The following COL22A1 variants were observed in gnomAD, a reference collection of about 807,000 sequenced individuals.
The protein encoded by COL22A1 is collagen type XXII alpha 1 chain, also known as collagen alpha-1(XXII) chain.
Under a neutral mutation model 248.9 loss-of-function variants are expected in COL22A1, and 221 were observed. That is an observed-to-expected ratio of 0.89 (90% CI 0.80 to 0.99). The LOEUF (loss-of-function observed/expected upper bound fraction) is 0.99, where lower values mean the gene tolerates loss of function less well. Ranked by LOEUF, COL22A1 falls within the 50% of genes least tolerant of loss-of-function variation. The probability of loss-of-function intolerance (pLI) is 0.00; values close to 1 mark genes in which losing one functional copy is unlikely to be tolerated. For synonymous variants in COL22A1, 891 were observed against 793.4 expected, an observed-to-expected ratio of 1.12 and a Z score of -2.07; for missense variants, 2,240 against 2,179.0, an observed-to-expected ratio of 1.03 and a Z score of -0.56.
At chr8:138,812,040 A>G (rs903958497) in intron 8 of COL22A1, 119 bp from the exon 9 acceptor site, 20 of 1,206,186 alleles carry the variant, frequency 1.7e-5, no homozygotes, top group Non-Finnish European at 2.3e-5. Flanking sequence ...GAAAACGCTG[A>G]GGATGTCTCT....
intron 3 of COL22A1, among the ~76,000 whole-genome samples, chr8:138,861,748 G>A (rs1319812401): frequency 6.6e-6 from 1 of 152,196 alleles, no homozygotes; most frequent in Admixed American, 6.5e-5. Context: ...CCAAAGCAAA[G>A]TGAACTTAAA....
chr8:138,612,574 T>C (rs1818950760), intron 56 of COL22A1, among the ~76,000 whole-genome samples: 1 of 152,076 alleles, frequency 6.6e-6, no homozygotes, highest in African/African-American at 2.4e-5. Flanking sequence ...TTAGTTAAAA[T>C]AAGTTCATAC....
intron 10 of COL22A1, among the ~76,000 whole-genome samples, chr8:138,806,181 GGTGTGTGATGGTGT>G (rs1817704222): frequency 1.9e-5 from 1 of 52,568 alleles, no homozygotes. Flanking sequence ...TGTAAGTAAT[GGTGTGTGATGGTGT>G]GTGTGTGATG....
At chr8:138,701,430 G>C (rs1045252724) in intron 31 of COL22A1, among the ~76,000 whole-genome samples, 1 of 152,102 alleles carries the variant, frequency 6.6e-6, no homozygotes, top group Non-Finnish European at 1.5e-5. Context: ...ATTAAAAAAA[G>C]ATGGAAAAAA....
At chr8:138,688,256 C>T (rs1826524103) in intron 37 of COL22A1, among the ~76,000 whole-genome samples, 1 of 151,716 alleles carries the variant, frequency 6.6e-6, no homozygotes, top group Non-Finnish European at 1.5e-5. Flanking sequence ...TTCAGTGGCT[C>T]ACACCTGTAA....
chr8:138,763,479 C>G (rs1277750664), intron 16 of COL22A1, among the ~76,000 whole-genome samples: 2 of 152,172 alleles, frequency 1.3e-5, no homozygotes, highest in East Asian at 3.8e-4. Flanking sequence ...CATCGTCTTC[C>G]CCTAGCTGTG....
intron 3 of COL22A1, among the ~76,000 whole-genome samples, chr8:138,869,988 G>A (rs1180135328): frequency 2.6e-5 from 4 of 152,168 alleles, no homozygotes; most frequent in Non-Finnish European, 5.9e-5. Context: ...TATGTGTGTG[G>A]GGTGTTATGT....
chr8:138,751,497 T>C lies in COL22A1; in HGVS notation c.2046A>G (p.Pro682=). The C allele has an allele frequency of 6.2e-7, 1 of 1,612,262 alleles. No individual in the cohort carries two copies. Among genetic ancestry groups the C allele is most frequent in the Non-Finnish European group, 8.5e-7 (1 of 1,178,914 alleles). Residue 682 remains proline, a synonymous_variant, in exon 22 of 65, where the codon CCA becomes CCG. Transcript: ENST00000303045. ...GPPGARGPIG[P]EGRDGPPGLQ... is the part of the protein sequence containing the mutation. ...AACCAGGAGGTCCATCCCTGCCTTCTGGGCCTATTGGACCCTTTAGGAGGG... is the reference window on the plus strand; with the variant it reads ...AACCAGGAGGTCCATCCCTGCCTTCCGGGCCTATTGGACCCTTTAGGAGGG...
rs116803188 is a variant in COL22A1, at chr8:138,771,592, A to G, written c.1803+4374T>C. On this transcript the variant is annotated intron_variant, in intron 16 of 64. Transcript: ENST00000303045. ...TTGCTGGAAAAACGTCCAACGCTACATGGAAAAAAGCCTGTTGCTTCCAAA... is the reference window on the plus strand; with the variant it reads ...TTGCTGGAAAAACGTCCAACGCTACGTGGAAAAAAGCCTGTTGCTTCCAAA... Among the ~76,000 whole-genome samples the G allele has an allele frequency of 4.6e-3, 695 of 152,362 alleles. 3 individuals carry two copies. Among genetic ancestry groups the G allele is most frequent in the African/African-American group, 0.016 (651 of 41,584 alleles).
At chr8:138,837,757 G>T (rs1055807355) in intron 4 of COL22A1, among the ~76,000 whole-genome samples, 2 of 152,206 alleles carry the variant, frequency 1.3e-5, no homozygotes, top group South Asian at 2.1e-4. Context: ...CGGTTCCAGG[G>T]TTCCATGAAA....
chr8:138,636,202 T>C (rs1354811962), intron 48 of COL22A1, among the ~76,000 whole-genome samples: 1 of 151,930 alleles, frequency 6.6e-6, no homozygotes, highest in Non-Finnish European at 1.5e-5. Context: ...GGATAGAGGA[T>C]GATAGGTAGG....
intron 23 of COL22A1, among the ~76,000 whole-genome samples, chr8:138,725,856 T>C (rs1335202127): frequency 6.6e-6 from 1 of 151,780 alleles, no homozygotes; most frequent in Non-Finnish European, 1.5e-5. Context: ...CATGAGTCAT[T>C]GAGCAGGGCT....
chr8:138,700,988 CAAAAA>C (rs5895554), intron 31 of COL22A1, among the ~76,000 whole-genome samples: 3 of 54,702 alleles, frequency 5.5e-5, no homozygotes, highest in African/African-American at 2.4e-4. Flanking sequence ...GACTCCGTCT[CAAAAA>C]AAAAAAAAAA....
At chr8:138,626,357 A>G in intron 50 of COL22A1, 114 bp from the exon 51 acceptor site, 1 of 848,948 alleles carries the variant, frequency 1.2e-6, no homozygotes, top group Non-Finnish European at 1.9e-6. Flanking sequence ...TTGGTGAGAA[A>G]CAAGGAGTGC....
chr8:138,678,496 A>C (rs1825732547), intron 40 of COL22A1, among the ~76,000 whole-genome samples: 1 of 152,270 alleles, frequency 6.6e-6, no homozygotes, highest in South Asian at 2.1e-4. Flanking sequence ...TATGATATGA[A>C]TGGTTCTTGG....
intron 6 of COL22A1, 46 bp from the exon 7 acceptor site, chr8:138,821,457 G>A (rs1322161671): frequency 6.3e-7 from 1 of 1,577,358 alleles, no homozygotes. Flanking sequence ...TTGGGGCCAA[G>A]GGAAAAGGAG....
At chr8:138,909,375 CT>C (rs57916926) in intron 1 of COL22A1, among the ~76,000 whole-genome samples, 1,579 of 142,632 alleles carry the variant, frequency 0.011, 21 homozygotes, top group African/African-American at 0.03. Flanking sequence ...GCTGACTTGC[CT>C]TTTTTTTTTT....
At chr8:138,809,149 C>T (rs1817969508) in intron 9 of COL22A1, among the ~76,000 whole-genome samples, 1 of 152,016 alleles carries the variant, frequency 6.6e-6, no homozygotes, top group South Asian at 2.1e-4. Flanking sequence ...TCTTCCGCTC[C>T]ACGGGGCTAT....
chr8:138,651,175 T>C (rs1822699466), intron 45 of COL22A1, among the ~76,000 whole-genome samples: 1 of 152,200 alleles, frequency 6.6e-6, no homozygotes, highest in Admixed American at 6.5e-5. Context: ...GAAGACTTCC[T>C]GATTGCCTCA....
Sources: allele counts gnomAD v4.1 joint callset (sites outside exome capture counted in the v4.1 genomes callset), GRCh38; gene constraint gnomAD v4.1.1; transcripts MANE v1.5; gene names NCBI Gene and HGNC (gene_info 2026-07-23, HGNC 2026-07-21).